The following TRPM3 variants were observed in gnomAD, a reference collection of about 807,000 sequenced individuals.
The protein encoded by TRPM3 is long transient receptor potential channel 3.
In TRPM3, 77 loss-of-function variants were observed where a neutral mutation model predicts 181.2. The observed-to-expected ratio is 0.42, with a 90% CI of 0.35 to 0.51. The LOEUF is 0.51. Among genes scored for constraint, TRPM3 ranks in the 20% least tolerant of loss-of-function variants. The probability of loss-of-function intolerance (pLI) is 0.01; values close to 1 mark genes in which losing one functional copy is unlikely to be tolerated. For synonymous variants in TRPM3, 745 were observed against 796.4 expected, an observed-to-expected ratio of 0.94 and a Z score of 1.09; for missense variants, 1,759 against 2,196.7, an observed-to-expected ratio of 0.80 and a Z score of 3.98.
intron 6 of TRPM3, chr9:70,811,260 A>C: frequency 1.3e-6 from 2 of 1,591,966 alleles, no homozygotes; most frequent in Non-Finnish European, 1.7e-6. Context: ...AAAAAATAAA[A>C]TCTTTGAAAT....
At chr9:71,265,196 T>G (rs538527189) in intron 1 of TRPM3, among the ~76,000 whole-genome samples, 134 of 152,342 alleles carry the variant, frequency 8.8e-4, no homozygotes, top group African/African-American at 2.7e-3. Context: ...CAAAATATGT[T>G]ATACATTTTA....
At chr9:71,351,411 A>C (rs1369449587) in intron 1 of TRPM3, among the ~76,000 whole-genome samples, 6 of 152,218 alleles carry the variant, frequency 3.9e-5, no homozygotes, top group Non-Finnish European at 7.3e-5. Flanking sequence ...TCTATAACCT[A>C]GATGATAATT....
intron 1 of TRPM3, among the ~76,000 whole-genome samples, chr9:71,142,711 C>T (rs149463512): frequency 1.3e-5 from 2 of 152,146 alleles, no homozygotes; most frequent in East Asian, 3.9e-4. Flanking sequence ...AAAAAATTTG[C>T]ATGACAAATT....
At chr9:70,692,359 T>G (rs973563636) in intron 8 of TRPM3, among the ~76,000 whole-genome samples, 1 of 152,228 alleles carries the variant, frequency 6.6e-6, no homozygotes, top group African/African-American at 2.4e-5. Flanking sequence ...TGTTCTATAT[T>G]TAGCATTTAG....
intron 1 of TRPM3, among the ~76,000 whole-genome samples, chr9:70,886,961 G>A (rs77327485): frequency 0.02 from 3,008 of 152,212 alleles, 53 homozygotes; most frequent in Middle Eastern, 0.048. Flanking sequence ...CACCGTGCCC[G>A]GAGAGTCAAC....
rs2040538109 is a variant in TRPM3, at chr9:70,529,249, A to G, written c.*6704T>C. ...ACAATTCTTCTAAGGATTTATATAT[A>G]TTTATAGTGTCGATAGATATGCATA... On this transcript the variant is annotated 3_prime_UTR_variant, in exon 26 of 26. Transcript: ENST00000677713. The G allele has an allele frequency of 6.6e-6, 1 of 152,200 alleles. No homozygotes were observed. 9.4% of individuals were successfully genotyped at this position (152,200 alleles called of 1,614,324 possible).
chr9:71,045,995 T>G (rs1458413394), intron 1 of TRPM3, among the ~76,000 whole-genome samples: 3 of 151,894 alleles, frequency 2.0e-5, no homozygotes, highest in African/African-American at 7.3e-5. Context: ...TACACTTTTT[T>G]TTTTTTTGAG....
intron 1 of TRPM3, among the ~76,000 whole-genome samples, chr9:70,878,979 A>G (rs1311348713): frequency 6.6e-6 from 1 of 152,090 alleles, no homozygotes; most frequent in Non-Finnish European, 1.5e-5. Flanking sequence ...AGCAGCAATA[A>G]CAGTTTTATA....
chr9:70,577,303 T>C (rs759180810), intron 22 of TRPM3, among the ~76,000 whole-genome samples: 2 of 152,356 alleles, frequency 1.3e-5, no homozygotes, highest in East Asian at 3.9e-4. Flanking sequence ...TGGATTCCGA[T>C]GGAAGCAGCC....
At chr9:71,446,857 C>G (rs1341145720), upstream of TRPM3, 7 of 1,528,330 alleles carry the variant, frequency 4.6e-6, no homozygotes, top group Admixed American at 1.2e-4. Flanking sequence ...CTCCCTCGGC[C>G]GGGAAACAGC....
At position 71,435,369 on chromosome 9, in the gene TRPM3, T is replaced by C. The variant is rs779797712; in HGVS notation, c.183+11284A>G. On this transcript the variant is annotated intron_variant, in intron 1 of 24. Transcript: ENST00000357533. The stretch of plus-strand genomic sequence containing the variant: ...GTCTTTTTCACATTTCTTTCTTCTA[T>C]AGCATTTGAGTCTTTATCTTGTAGG... 3.3e-5 allele frequency among the ~76,000 whole-genome samples: 5 copies of C among 152,244 alleles called. No homozygotes were observed. In the East Asian group the frequency reaches 7.7e-4, roughly 23 times the overall value.
chr9:71,227,207 A>T (rs985797736), intron 1 of TRPM3, among the ~76,000 whole-genome samples: 141 of 152,074 alleles, frequency 9.3e-4, no homozygotes, highest in African/African-American at 3.2e-3. Flanking sequence ...GAATTTTGGA[A>T]ACCATATAAA....
chr9:71,275,845 CTT>C (rs11453930), intron 1 of TRPM3, among the ~76,000 whole-genome samples: 2 of 143,348 alleles, frequency 1.4e-5, no homozygotes, highest in Non-Finnish European at 1.5e-5. Context: ...AAAGAAGGAA[CTT>C]TTTTTTTTTT....
Position 71,069,888 on chromosome 9 carries a change from G to A in TRPM3, c.177+51290C>T, listed in dbSNP as rs576999235. ...CTCCCAAAGTGCTGGGACTACAGGC[G>A]TGAGCCACAGTGCCCAGCGAAAATT... On this transcript the variant is annotated intron_variant, in intron 1 of 25. Transcript: ENST00000677713. 2.0e-5 allele frequency among the ~76,000 whole-genome samples: 3 copies of A among 152,110 alleles called. No individual in the cohort carries two copies. The South Asian group carries it at 6.2e-4, about 32-fold the overall frequency.
At chr9:71,052,255 G>A (rs1161933131) in intron 1 of TRPM3, among the ~76,000 whole-genome samples, 4 of 152,034 alleles carry the variant, frequency 2.6e-5, no homozygotes, top group East Asian at 3.9e-4. Flanking sequence ...AATGTTTGTC[G>A]AAGGCTATTA....
In TRPM3 at chr9:71,271,880, A is replaced by G. The variant is rs1281327337; in HGVS notation, c.183+174773T>C. Among the ~76,000 whole-genome samples, 7 of 152,206 alleles carry G rather than the reference A, an allele frequency of 4.6e-5. No homozygotes were observed. The South Asian group carries it at 1.5e-3, about 32-fold the overall frequency. On this transcript the variant is annotated intron_variant, in intron 1 of 24. Transcript: ENST00000357533. ...AGGGGCAAACTGTAGAGTGATGAGA[A>G]GAGAAAAAAAGATAAAGATCTATTC... is the stretch of plus-strand genomic sequence containing the variant.
At chr9:71,365,368 G>A (rs1442191314) in intron 1 of TRPM3, among the ~76,000 whole-genome samples, 1 of 152,054 alleles carries the variant, frequency 6.6e-6, no homozygotes, top group Non-Finnish European at 1.5e-5. Flanking sequence ...CAATATCCAA[G>A]TCTCATATTA....
chr9:71,142,359 T>C (rs979934150), intron 1 of TRPM3, among the ~76,000 whole-genome samples: 3 of 152,106 alleles, frequency 2.0e-5, no homozygotes, highest in Non-Finnish European at 4.4e-5. Context: ...TGAGTGCAAA[T>C]AGCTCATTTA....
At chr9:70,646,407 A>G (rs1028336604) in intron 9 of TRPM3, among the ~76,000 whole-genome samples, 8 of 152,234 alleles carry the variant, frequency 5.3e-5, no homozygotes, top group African/African-American at 1.9e-4. Context: ...GGATGAGTTC[A>G]TGACCTTTGC....
Sources: allele counts gnomAD v4.1 joint callset (sites outside exome capture counted in the v4.1 genomes callset), GRCh38; gene constraint gnomAD v4.1.1; transcripts MANE v1.5; gene names NCBI Gene and HGNC (gene_info 2026-07-23, HGNC 2026-07-21).